The following TCF12 variants were observed in gnomAD, a reference collection of about 807,000 sequenced individuals.
TCF12 encodes DNA-binding protein HTF4.
Under a neutral mutation model 86.0 loss-of-function variants are expected in TCF12, and 45 were observed. The observed-to-expected ratio is 0.52, with a 90% CI of 0.41 to 0.67. The LOEUF (loss-of-function observed/expected upper bound fraction) is 0.67, where lower values mean the gene tolerates loss of function less well. Ranked by LOEUF, TCF12 falls within the 30% of genes least tolerant of loss-of-function variation. The pLI is 0.00. For missense variants in TCF12, 881 were observed against 859.9 expected, an observed-to-expected ratio of 1.02 and a Z score of -0.31; for synonymous variants, 330 against 299.6, an observed-to-expected ratio of 1.10 and a Z score of -1.05.
chr15:57,206,064 C>T (rs1021497082), intron 8 of TCF12, among the ~76,000 whole-genome samples: 4 of 152,178 alleles, frequency 2.6e-5, no homozygotes, highest in African/African-American at 4.8e-5. Flanking sequence ...CTTCACAAAG[C>T]AGATGTAGGA....
intron 6 of TCF12, among the ~76,000 whole-genome samples, chr15:57,175,176 C>A (rs2055818340): frequency 6.6e-6 from 1 of 152,076 alleles, no homozygotes; most frequent in East Asian, 1.9e-4. Flanking sequence ...AGATTCCCAT[C>A]TCTACAAAAA....
chr15:57,175,859 AT>A, intron 6 of TCF12, among the ~76,000 whole-genome samples: 1 of 152,366 alleles, frequency 6.6e-6, no homozygotes, highest in Middle Eastern at 3.4e-3. Flanking sequence ...GAAATTAAGC[AT>A]TCCAGATTTC....
chr15:56,922,654 T>C (rs1299542839), intron 3 of TCF12, among the ~76,000 whole-genome samples: 3 of 152,048 alleles, frequency 2.0e-5, no homozygotes, highest in African/African-American at 7.2e-5. Context: ...AGATTTGTTA[T>C]CCATTGAAAG....
At chr15:57,185,159 T>G (rs1228124760) in intron 6 of TCF12, among the ~76,000 whole-genome samples, 1 of 152,248 alleles carries the variant, frequency 6.6e-6, no homozygotes, top group Admixed American at 6.5e-5. Flanking sequence ...TATAAGGGAA[T>G]GTATCAGCTT....
intron 9 of TCF12, 127 bp from the exon 10 acceptor site, chr15:57,232,164 G>C (rs1207736909): frequency 1.1e-6 from 1 of 944,868 alleles, no homozygotes; most frequent in African/African-American, 1.7e-5. Context: ...AGAACAGTGG[G>C]TAGAAGACTA....
chr15:57,284,285 C>A lies in TCF12; in HGVS notation c.*11+1687C>A, dbSNP rs752729156. 1.1e-4 allele frequency among the ~76,000 whole-genome samples: 17 copies of A among 152,070 alleles called. 1 individual carries two copies. Among genetic ancestry groups the A allele is most frequent in the Non-Finnish European group, 2.2e-4 (15 of 68,022 alleles). On this transcript the variant is annotated intron_variant, in intron 20 of 20. Transcript: ENST00000333725. ...AATGGTGTGATCATCTCGGCTCACT[C>A]CAACTCCCGCCTCCTGGGTTTGAGC...
At chr15:57,185,856 A>G (rs767986821) in intron 6 of TCF12, among the ~76,000 whole-genome samples, 2 of 152,034 alleles carry the variant, frequency 1.3e-5, no homozygotes, top group Non-Finnish European at 2.9e-5. Context: ...CACTCCAGCC[A>G]GAGCAACAGA....
intron 8 of TCF12, among the ~76,000 whole-genome samples, chr15:57,198,158 CAGG>C (rs1274511060): frequency 6.6e-6 from 1 of 152,126 alleles, no homozygotes; most frequent in Non-Finnish European, 1.5e-5. Context: ...TGTTGCTGAA[CAGG>C]AGGACAGACA....
intron 8 of TCF12, chr15:57,219,148 G>A (rs2058460201): frequency 2.8e-6 from 3 of 1,067,630 alleles, no homozygotes; most frequent in South Asian, 9.1e-5. Flanking sequence ...AAATCTGTCA[G>A]TATGCCTTCC....
rs1000857323 is a variant in TCF12 at position 57,267,823 on chromosome 15, A to G, written c.1745+4549A>G. ...AAATAAGGGTTTGAATTGTGGTTCC[A>G]TTACATACTTGCCGAGTGACTTTGG... On this transcript the variant is annotated intron_variant, in intron 18 of 20. Transcript: ENST00000333725. 7.2e-5 allele frequency among the ~76,000 whole-genome samples: 11 copies of G among 152,334 alleles called. No individual in the cohort carries two copies. The East Asian group carries it at 1.9e-3, about 27-fold the overall frequency.
chr15:56,955,632 T>C (rs2061477732), intron 3 of TCF12, among the ~76,000 whole-genome samples: 1 of 152,218 alleles, frequency 6.6e-6, no homozygotes, highest in Non-Finnish European at 1.5e-5. Flanking sequence ...TTTAAATGTA[T>C]TGAGTCTTGT....
At chr15:56,938,404 C>T (rs1363105657) in intron 3 of TCF12, among the ~76,000 whole-genome samples, 3 of 152,040 alleles carry the variant, frequency 2.0e-5, no homozygotes, top group Non-Finnish European at 1.5e-5. Context: ...TGTGATCCCC[C>T]TGCCTCAGCC....
At chr15:57,248,333 A>T (rs927890893) in intron 13 of TCF12, among the ~76,000 whole-genome samples, 7 of 152,180 alleles carry the variant, frequency 4.6e-5, no homozygotes, top group Admixed American at 1.3e-4. Flanking sequence ...ACCCCTTGTG[A>T]ACAAAATCAG....
At chr15:57,132,026 C>T (rs899751949) in intron 5 of TCF12, among the ~76,000 whole-genome samples, 5 of 152,102 alleles carry the variant, frequency 3.3e-5, no homozygotes, top group Admixed American at 6.5e-5. Flanking sequence ...TGGCATGTAC[C>T]TGTAGTCCCA....
chr15:57,094,244 T>C (rs538621717), intron 5 of TCF12, among the ~76,000 whole-genome samples: 4 of 152,276 alleles, frequency 2.6e-5, no homozygotes, highest in Non-Finnish European at 5.9e-5. Flanking sequence ...TGTTTACTTA[T>C]ACATAAAAGA....
intron 3 of TCF12, among the ~76,000 whole-genome samples, chr15:56,980,166 C>T (rs763974676): frequency 1.1e-4 from 17 of 152,082 alleles, no homozygotes; most frequent in Non-Finnish European, 2.4e-4. Context: ...GGAGACCAGC[C>T]TGGTCAACAT....
intron 6 of TCF12, among the ~76,000 whole-genome samples, chr15:57,168,667 G>A (rs1201390591): frequency 1.3e-5 from 2 of 152,056 alleles, no homozygotes; most frequent in Non-Finnish European, 2.9e-5. Flanking sequence ...TCTGATCTTG[G>A]CTATAGTACT....
chr15:57,090,291 G>A lies in TCF12; in HGVS notation c.223-1498G>A, dbSNP rs4774908. ...GACGTTAGCTAAGAGCCATACTATT[G>A]TGTATATAGGGTCTACTAAATGTGG... On this transcript the variant is annotated intron_variant, in intron 4 of 20. Coordinates refer to ENST00000333725, the MANE Select transcript of TCF12 (RefSeq NM_207037.2). Among the ~76,000 whole-genome samples the A allele has an allele frequency of 2.4e-3, 363 of 152,260 alleles. 1 individual carries two copies. The highest frequency in any genetic ancestry group is 4.4e-3 in the Non-Finnish European group (301 of 68,024).
At chr15:57,189,341 A>G (rs1387487205) in intron 6 of TCF12, among the ~76,000 whole-genome samples, 5 of 152,236 alleles carry the variant, frequency 3.3e-5, no homozygotes, top group African/African-American at 1.2e-4. Flanking sequence ...CAATTCATAT[A>G]TCTGATAAGC....
Sources: allele counts gnomAD v4.1 joint callset (sites outside exome capture counted in the v4.1 genomes callset), GRCh38; gene constraint gnomAD v4.1.1; transcripts MANE v1.5; gene names NCBI Gene and HGNC (gene_info 2026-07-23, HGNC 2026-07-21).